Variants in SLC14A2 observed in about 807,000 individuals in gnomAD.
SLC14A2 encodes urea transporter 2.
Under a neutral mutation model 104.6 loss-of-function variants are expected in SLC14A2, and 91 were observed. That is an observed-to-expected ratio of 0.87 (90% CI 0.73 to 1.04). SLC14A2 has a LOEUF of 1.04. Ranked by LOEUF, SLC14A2 falls within the 50% of genes least tolerant of loss-of-function variation. The pLI, the probability that SLC14A2 is intolerant of heterozygous loss-of-function variation, is 0.00. For synonymous variants in SLC14A2, 476 were observed against 466.4 expected (o/e 1.02, Z -0.27); for missense variants, 1,189 against 1,156.0 (o/e 1.03, Z -0.41).
At chr18:45,550,406 A>C (rs2044040405) in intron 2 of SLC14A2, among the ~76,000 whole-genome samples, 1 of 152,166 alleles carries the variant, frequency 6.6e-6, no homozygotes, top group Non-Finnish European at 1.5e-5. Context: ...AAATTTGGAA[A>C]TCCCATATTG....
intron 2 of SLC14A2, among the ~76,000 whole-genome samples, chr18:45,517,792 C>T (rs1328512106): frequency 6.6e-6 from 1 of 152,172 alleles, no homozygotes; most frequent in African/African-American, 2.4e-5. Context: ...CCACTGAAAA[C>T]TTTAATCTCT....
chr18:45,494,915 TACACACACACAC>T (rs58079608), intron 2 of SLC14A2, among the ~76,000 whole-genome samples: 1 of 148,746 alleles, frequency 6.7e-6, no homozygotes, highest in East Asian at 2.0e-4. Flanking sequence ...CACACACACA[TACACACACACAC>T]ACACACACAC....
At chr18:45,229,741 T>A (rs1283081298) in intron 1 of SLC14A2, among the ~76,000 whole-genome samples, 2 of 152,174 alleles carry the variant, frequency 1.3e-5, no homozygotes, top group Non-Finnish European at 2.9e-5. Context: ...CACATAGTGG[T>A]CTCAATGGTC....
intron 10 of SLC14A2, among the ~76,000 whole-genome samples, chr18:45,649,951 C>A (rs997116272): frequency 6.6e-6 from 1 of 152,210 alleles, no homozygotes; most frequent in East Asian, 1.9e-4. Context: ...ATCAATCCTG[C>A]CTCTTAATCT....
At chr18:45,643,523 T>C (rs1402256164) in intron 9 of SLC14A2, among the ~76,000 whole-genome samples, 1 of 152,056 alleles carries the variant, frequency 6.6e-6, no homozygotes, top group Non-Finnish European at 1.5e-5. Flanking sequence ...GTGGCTCAAA[T>C]TATCTGTTTT....
At chr18:45,171,131 A>C in the SLC14A2 span, among the ~76,000 whole-genome samples, 5 of 152,214 alleles carry the variant, frequency 3.3e-5, no homozygotes, top group African/African-American at 4.8e-5. Context: ...TGCCACTAAC[A>C]TTTGAATTTC....
At chr18:45,619,744 G>A (rs1251004555) in intron 1 of SLC14A2, among the ~76,000 whole-genome samples, 1 of 152,162 alleles carries the variant, frequency 6.6e-6, no homozygotes, top group African/African-American at 2.4e-5. Context: ...TCTAACAAGT[G>A]GCGACGCCTT....
chr18:45,667,149 A>G, intron 13 of SLC14A2, 55 bp downstream of exon 13: 1 of 1,478,804 alleles, frequency 6.8e-7, no homozygotes, highest in East Asian at 2.3e-5. Context: ...ACCTCCACCC[A>G]TCCCCAGGAA....
intron 1 of SLC14A2, among the ~76,000 whole-genome samples, chr18:45,282,549 A>G (rs996771012): frequency 6.6e-6 from 1 of 152,110 alleles, no homozygotes; most frequent in Non-Finnish European, 1.5e-5. Context: ...CTCATGGAGG[A>G]CACAGGACTG....
intron 2 of SLC14A2, among the ~76,000 whole-genome samples, chr18:45,557,060 A>G (rs2044142404): frequency 6.6e-6 from 1 of 152,250 alleles, no homozygotes; most frequent in Non-Finnish European, 1.5e-5. Context: ...TTCAAGAAAG[A>G]GTAGCCAATG....
the SLC14A2 span, among the ~76,000 whole-genome samples, chr18:45,192,563 A>T: frequency 6.6e-6 from 1 of 151,944 alleles, no homozygotes; most frequent in Non-Finnish European, 1.5e-5. Context: ...ATGCTTGCCA[A>T]TACTTGGTAT....
rs539022656 is a variant in SLC14A2 at position 45,386,506 on chromosome 18, C to T, written c.-124-96727C>T. Among the ~76,000 whole-genome samples, 7 of 152,350 alleles carry T rather than the reference C, an allele frequency of 4.6e-5. No homozygotes were observed. The South Asian group carries it at 1.5e-3, about 32-fold the overall frequency. On this transcript the variant is annotated intron_variant, in intron 1 of 20. Transcript: ENST00000586448. ...AGCATTCCCTCTGTACCTGGATTCTCTCTGTTCTCCACTATGGCTACCTGG... is the reference window on the plus strand; with the variant it reads ...AGCATTCCCTCTGTACCTGGATTCTTTCTGTTCTCCACTATGGCTACCTGG...
intron 4 of SLC14A2, among the ~76,000 whole-genome samples, 154 bp downstream of exon 4, chr18:45,627,301 C>T (rs2045275291): frequency 1.3e-5 from 2 of 152,212 alleles, no homozygotes; most frequent in African/African-American, 4.8e-5. Context: ...TGCAGAATTA[C>T]ACTGCTCCTG....
chr18:45,645,826 C>G (rs1238450947), intron 10 of SLC14A2, among the ~76,000 whole-genome samples: 1 of 151,972 alleles, frequency 6.6e-6, no homozygotes, highest in African/African-American at 2.4e-5. Flanking sequence ...AAGCAGTGAG[C>G]TAGATTTGGT....
intron 1 of SLC14A2, among the ~76,000 whole-genome samples, chr18:45,295,059 G>A (rs755006186): frequency 1.3e-4 from 19 of 151,984 alleles, no homozygotes; most frequent in African/African-American, 2.9e-4. Context: ...AATGTGCTGC[G>A]AGCCACACTT....
intron 2 of SLC14A2, among the ~76,000 whole-genome samples, chr18:45,579,137 T>G (rs1200646510): frequency 6.6e-6 from 1 of 152,158 alleles, no homozygotes; most frequent in Non-Finnish European, 1.5e-5. Flanking sequence ...GAAAAGAAAA[T>G]GTCACTTCTG....
intron 2 of SLC14A2, among the ~76,000 whole-genome samples, chr18:45,564,018 A>G (rs2044236890): frequency 6.6e-6 from 1 of 152,216 alleles, no homozygotes; most frequent in African/African-American, 2.4e-5. Flanking sequence ...CGATGCCCTC[A>G]TTGTAGTGGC....
At chr18:45,624,530 G>A (rs1371183885) in intron 1 of SLC14A2, 101 bp from the exon 2 acceptor site, 4 of 765,078 alleles carry the variant, frequency 5.2e-6, no homozygotes, top group African/African-American at 1.8e-5. Context: ...GTGTGTCACT[G>A]TCCAACCCCC....
intron 1 of SLC14A2, among the ~76,000 whole-genome samples, chr18:45,621,874 G>A (rs1290817122): frequency 6.6e-6 from 1 of 152,184 alleles, no homozygotes; most frequent in Admixed American, 6.5e-5. Flanking sequence ...AAGTGTAGGG[G>A]TTGACCAGGA....
Sources: allele counts gnomAD v4.1 joint callset (sites outside exome capture counted in the v4.1 genomes callset), GRCh38; gene constraint gnomAD v4.1.1; transcripts MANE v1.5; gene names NCBI Gene and HGNC (gene_info 2026-07-23, HGNC 2026-07-21).